The following TACR3 variants were observed in gnomAD, a reference collection of about 807,000 sequenced individuals.
TACR3 encodes the protein neuromedin-K receptor.
TACR3 carries 34 observed loss-of-function variants against 35.0 expected under a neutral mutation model. The observed-to-expected ratio is 0.97, with a 90% CI of 0.74 to 1.30. The LOEUF is 1.30. Among genes scored for constraint, TACR3 ranks in the 50% most tolerant of loss-of-function variants. The probability of loss-of-function intolerance (pLI) is 0.00; values close to 1 mark genes in which losing one functional copy is unlikely to be tolerated. For missense variants in TACR3, 558 were observed against 591.7 expected, an observed-to-expected ratio of 0.94 and a Z score of 0.59; for synonymous variants, 233 against 221.1, an observed-to-expected ratio of 1.05 and a Z score of -0.48.
intron 1 of TACR3, among the ~76,000 whole-genome samples, chr4:103,710,596 G>T (rs1722922984): frequency 6.6e-6 from 1 of 152,018 alleles, no homozygotes; most frequent in Admixed American, 6.6e-5. Flanking sequence ...AGAAGGAAGA[G>T]CAAACACATT....
intron 3 of TACR3, among the ~76,000 whole-genome samples, chr4:103,642,460 A>C (rs752072177): frequency 6.6e-6 from 1 of 151,856 alleles, no homozygotes; most frequent in Non-Finnish European, 1.5e-5. Flanking sequence ...TCCACAAGAG[A>C]ATATTGTTTC....
intron 1 of TACR3, among the ~76,000 whole-genome samples, chr4:103,678,983 G>A (rs916781277): frequency 6.6e-6 from 1 of 151,818 alleles, no homozygotes; most frequent in African/African-American, 2.4e-5. Context: ...TCATTTTCAT[G>A]TCTCACCACT....
intron 1 of TACR3, among the ~76,000 whole-genome samples, chr4:103,694,124 G>A (rs10019555): frequency 0.34 from 51,497 of 151,642 alleles, 13,758 homozygotes; most frequent in African/African-American, 0.74. Flanking sequence ...AATTTCAGAA[G>A]CCTTTTTTTC....
intron 3 of TACR3, among the ~76,000 whole-genome samples, chr4:103,603,419 G>C (rs1279897123): frequency 6.6e-6 from 1 of 152,200 alleles, no homozygotes; most frequent in Non-Finnish European, 1.5e-5. Flanking sequence ...CTACTGTCTG[G>C]CACTCCCCAG....
In TACR3 at chr4:103,676,218, A is replaced by G. The variant is rs73835393; in HGVS notation, c.549-17815T>C. Among the ~76,000 whole-genome samples the G allele has an allele frequency of 4.0e-3, 605 of 152,302 alleles. 3 individuals are homozygous for G. The highest frequency in any genetic ancestry group is 0.013 in the African/African-American group (559 of 41,566). On this transcript the variant is annotated intron_variant, in intron 1 of 4. Transcript: ENST00000304883. Reference sequence around the variant, plus strand: ...AATTGTTAAGCAGTGAATGCAAATAATTGTTTAACATTTGTACAGATAGAT... The same window carrying G: ...AATTGTTAAGCAGTGAATGCAAATAGTTGTTTAACATTTGTACAGATAGAT...
intron 3 of TACR3, among the ~76,000 whole-genome samples, chr4:103,595,729 G>A (rs1398268920): frequency 6.6e-6 from 1 of 150,750 alleles, no homozygotes. Context: ...TTTTAATTTT[G>A]GCAATATTAT....
intron 1 of TACR3, among the ~76,000 whole-genome samples, chr4:103,682,535 T>C (rs1177992711): frequency 6.6e-6 from 1 of 152,002 alleles, no homozygotes; most frequent in African/African-American, 2.4e-5. Flanking sequence ...ACCACCCCCA[T>C]GATTCAATCA....
chr4:103,664,974 T>C (rs1325818931), intron 1 of TACR3, among the ~76,000 whole-genome samples: 2 of 151,768 alleles, frequency 1.3e-5, no homozygotes, highest in East Asian at 1.9e-4. Flanking sequence ...GCTAGTTTTT[T>C]TTTTTTTCCT....
chr4:103,698,708 T>C (rs1722582068), intron 1 of TACR3, among the ~76,000 whole-genome samples: 1 of 152,108 alleles, frequency 6.6e-6, no homozygotes. Context: ...AGTCAAATGA[T>C]AGTTACTAGA....
chr4:103,708,161 C>A (rs1221282591), intron 1 of TACR3, among the ~76,000 whole-genome samples: 2 of 152,188 alleles, frequency 1.3e-5, no homozygotes, highest in African/African-American at 4.8e-5. Flanking sequence ...TAGTGGTTCT[C>A]CCAGCAGGGA....
intron 1 of TACR3, among the ~76,000 whole-genome samples, chr4:103,708,708 G>C (rs148430905): frequency 0.032 from 4,920 of 152,232 alleles, 280 homozygotes; most frequent in African/African-American, 0.11. Flanking sequence ...AAACTTCTCT[G>C]AGCTAAAGGA....
intron 1 of TACR3, among the ~76,000 whole-genome samples, chr4:103,668,252 C>A (rs927204228): frequency 2.0e-5 from 3 of 152,072 alleles, no homozygotes; most frequent in Non-Finnish European, 4.4e-5. Context: ...ATAGGTTTCC[C>A]AGCACATTTA....
chr4:103,620,725 A>G (rs1320682049), intron 3 of TACR3, among the ~76,000 whole-genome samples: 1 of 152,072 alleles, frequency 6.6e-6, no homozygotes, highest in South Asian at 2.1e-4. Flanking sequence ...TATGGGAACA[A>G]TACACATCGT....
At chr4:103,598,976 C>T (rs770143906) in intron 3 of TACR3, among the ~76,000 whole-genome samples, 2,490 of 152,012 alleles carry the variant, frequency 0.016, 56 homozygotes, top group African/African-American at 0.057. Context: ...AGTAGTTTTT[C>T]CCAGTTCTGT....
chr4:103,699,758 G>T (rs1244812865), intron 1 of TACR3, among the ~76,000 whole-genome samples: 1 of 152,128 alleles, frequency 6.6e-6, no homozygotes. Context: ...GCTTCCTGGA[G>T]TTTTGACCTG....
chr4:103,596,906 C>T (rs1172700636), intron 3 of TACR3, among the ~76,000 whole-genome samples: 1 of 151,882 alleles, frequency 6.6e-6, no homozygotes, highest in Non-Finnish European at 1.5e-5. Context: ...CCAGCTTCAT[C>T]CATGTCCCTA....
chr4:103,629,993 T>C (rs1338079199), intron 3 of TACR3, among the ~76,000 whole-genome samples: 1 of 151,520 alleles, frequency 6.6e-6, no homozygotes, highest in East Asian at 1.9e-4. Context: ...AAAACAGAGA[T>C]ATAGACCAAT....
At chr4:103,661,173 T>C (rs1221275680) in intron 1 of TACR3, among the ~76,000 whole-genome samples, 1 of 152,078 alleles carries the variant, frequency 6.6e-6, no homozygotes, top group Non-Finnish European at 1.5e-5. Context: ...TAGATACTTA[T>C]GTGTTATATG....
intron 3 of TACR3, among the ~76,000 whole-genome samples, chr4:103,617,976 AT>A (rs1261836708): frequency 6.6e-6 from 1 of 152,166 alleles, no homozygotes; most frequent in African/African-American, 2.4e-5. Flanking sequence ...AGAAAATAAA[AT>A]TGATGGGAGA....
Sources: allele counts gnomAD v4.1 joint callset (sites outside exome capture counted in the v4.1 genomes callset), GRCh38; gene constraint gnomAD v4.1.1; transcripts MANE v1.5; gene names NCBI Gene and HGNC (gene_info 2026-07-23, HGNC 2026-07-21).